The following TRPM8 variants were observed in gnomAD, a reference collection of about 807,000 sequenced individuals.
TRPM8 encodes the protein transient receptor potential cation channel subfamily M member 8.
A neutral mutation model predicts 133.7 loss-of-function variants in TRPM8; 110 were observed. The observed-to-expected ratio is 0.82, with a 90% CI of 0.70 to 0.96. TRPM8 has a LOEUF of 0.96. TRPM8 is among the 40% of genes least tolerant of loss of function. The pLI is 0.00. For synonymous variants in TRPM8, 535 were observed against 532.3 expected, an observed-to-expected ratio of 1.01 and a Z score of -0.07; for missense variants, 1,291 against 1,379.5, an observed-to-expected ratio of 0.94 and a Z score of 1.02.
At chr2:233,975,618 C>T (rs1306174673) in intron 17 of TRPM8, among the ~76,000 whole-genome samples, 5 of 152,204 alleles carry the variant, frequency 3.3e-5, no homozygotes, top group Admixed American at 1.3e-4. Flanking sequence ...CGGTGGCTCC[C>T]GCCTGCAATC....
At chr2:233,947,338 GGGA>G (rs1691068791) in intron 8 of TRPM8, 183 bp downstream of exon 8, 2 of 1,541,238 alleles carry the variant, frequency 1.3e-6, no homozygotes, top group Admixed American at 2.0e-5. Flanking sequence ...AAGAAGATTT[GGGA>G]GGAGAATTTC....
At chr2:233,928,406 A>C (rs1345651059) in intron 2 of TRPM8, among the ~76,000 whole-genome samples, 3 of 148,936 alleles carry the variant, frequency 2.0e-5, no homozygotes, top group African/African-American at 7.8e-5. Context: ...AGAGCATCTC[A>C]GTTCTGGGGG....
At chr2:233,933,644 A>G (rs1691724322) in intron 3 of TRPM8, 1 of 152,274 alleles carries the variant, frequency 6.6e-6, no homozygotes, top group Non-Finnish European at 1.5e-5. Flanking sequence ...TCTCTTGGTC[A>G]AGGTCACCTG....
chr2:233,929,889 T>G (rs1414251786), intron 2 of TRPM8: 1 of 152,196 alleles, frequency 6.6e-6, no homozygotes, highest in Non-Finnish European at 1.5e-5. Context: ...CTCACTGTGG[T>G]TTTCCTTTGC....
rs370113980 is a variant in TRPM8 at position 233,990,540 on chromosome 2, G to A, written c.2939+4675G>A. Reference sequence around the variant, plus strand: ...GGCTGTACATGCTAGTACATCCATCGCATGTCTTATAAGCATTTTAAATCT... The same window carrying A: ...GGCTGTACATGCTAGTACATCCATCACATGTCTTATAAGCATTTTAAATCT... On this transcript the variant is annotated intron_variant, in intron 21 of 25. Transcript: ENST00000324695. Among the ~76,000 whole-genome samples the A allele has an allele frequency of 3.9e-4, 60 of 152,120 alleles. No individual in the cohort carries two copies. In the East Asian group the frequency reaches 5.4e-3, roughly 14 times the overall value.
chr2:233,992,275 T>C (rs1344516647), intron 21 of TRPM8, among the ~76,000 whole-genome samples: 1 of 152,158 alleles, frequency 6.6e-6, no homozygotes, highest in Non-Finnish European at 1.5e-5. Flanking sequence ...ATTAAGCTCC[T>C]TTCTCTTTCT....
intron 22 of TRPM8, among the ~76,000 whole-genome samples, chr2:234,000,854 T>G (rs530551714): frequency 1.3e-5 from 2 of 152,268 alleles, no homozygotes; most frequent in East Asian, 1.9e-4. Flanking sequence ...GGTTTTTGTA[T>G]TTTTAGTAGG....
chr2:233,925,447 G>A (rs1691496025), intron 1 of TRPM8, among the ~76,000 whole-genome samples: 1 of 152,222 alleles, frequency 6.6e-6, no homozygotes, highest in Non-Finnish European at 1.5e-5. Flanking sequence ...GAAATGATGA[G>A]TGAGCTGAGC....
intron 8 of TRPM8, among the ~76,000 whole-genome samples, chr2:233,948,421 G>T (rs971812027): frequency 2.6e-5 from 4 of 152,132 alleles, no homozygotes; most frequent in Non-Finnish European, 4.4e-5. Context: ...TACTGCTCAA[G>T]GTCATCACCA....
At chr2:233,974,802 A>G (rs1191720785) in intron 17 of TRPM8, among the ~76,000 whole-genome samples, 3 of 152,194 alleles carry the variant, frequency 2.0e-5, no homozygotes, top group African/African-American at 4.8e-5. Flanking sequence ...AAAGGTAGCC[A>G]TTGAGTAGAA....
chr2:233,965,002 A>ACCCAGG (rs931841313), intron 14 of TRPM8, among the ~76,000 whole-genome samples: 3 of 144,274 alleles, frequency 2.1e-5, no homozygotes, highest in Non-Finnish European at 3.1e-5. Context: ...CCAGGGCCAT[A>ACCCAGG]CCCAGGCCCA....
At chr2:234,007,504 T>C (rs1574789688) in intron 23 of TRPM8, among the ~76,000 whole-genome samples, 1 of 152,348 alleles carries the variant, frequency 6.6e-6, no homozygotes, top group East Asian at 1.9e-4. Context: ...TAGAAATAGA[T>C]AAGTCATAGC....
intron 5 of TRPM8, among the ~76,000 whole-genome samples, chr2:233,939,521 T>G (rs1690851289): frequency 6.6e-6 from 1 of 152,232 alleles, no homozygotes; most frequent in African/African-American, 2.4e-5. Flanking sequence ...TCGCTTGTTC[T>G]GTAATTGTGA....
chr2:234,003,482 G>C (rs1692619511), intron 22 of TRPM8, among the ~76,000 whole-genome samples: 1 of 152,138 alleles, frequency 6.6e-6, no homozygotes, highest in South Asian at 2.1e-4. Context: ...TTCAGATCTG[G>C]AATTTGACTC....
At chr2:233,958,688 G>T (rs1256257154) in intron 11 of TRPM8, among the ~76,000 whole-genome samples, 1 of 152,200 alleles carries the variant, frequency 6.6e-6, no homozygotes, top group Non-Finnish European at 1.5e-5. Context: ...CATCTTTCCA[G>T]AGGTAGCCCC....
chr2:233,985,728 T>A lies in TRPM8; in HGVS notation c.2802T>A (p.Asn934Lys). 6.2e-7 allele frequency: 1 copy of A among 1,614,184 alleles called. No homozygotes were observed. The highest frequency in any genetic ancestry group is 8.5e-7 in the Non-Finnish European group (1 of 1,180,024). Residue 934 changes from asparagine to lysine, a missense_variant, in exon 21 of 26, where the codon AAT (asparagine) becomes AAA (lysine). By Grantham distance (94) the Asn-to-Lys change is moderately conservative (BLOSUM62 0). This residue lies in a region of TRPM8 where 328 missense variants were observed against 410.6 expected (regional missense o/e 0.80). Coordinates refer to ENST00000324695, the MANE Select transcript of TRPM8 (RefSeq NM_024080.5). ...TTGCCCACTGCACCTTCACTGGGAA[T>A]GAGTCCAAGCCACTGTGTGTGGAGC... ...YDFAHCTFTGNESKPLCVELD... is the reference protein window; with the variant it reads ...YDFAHCTFTGKESKPLCVELD...
rs1162140983 is a variant in TRPM8, at chr2:234,014,673, T to C, written c.*42+19T>C. The C allele has an allele frequency of 3.3e-6, 3 of 909,424 alleles. No homozygotes were observed. The allele number at this position is 909,424 out of a possible 1,614,324, so 56.3% of individuals were successfully genotyped here. A position where few individuals can be genotyped will look rare whatever the true frequency, so the allele number is the denominator to read the frequency against. On this transcript the variant is annotated intron_variant, in intron 25 of 25. Coordinates refer to ENST00000324695, the MANE Select transcript of TRPM8 (RefSeq NM_024080.5). ...TAGCAAGGTGAGTCATTCTAATAGCTTTTTACTTTGCTCTGAAGATTTGCA... is the reference window on the plus strand; with the variant it reads ...TAGCAAGGTGAGTCATTCTAATAGCCTTTTACTTTGCTCTGAAGATTTGCA...
intron 10 of TRPM8, 43 bp downstream of exon 10, chr2:233,954,062 C>A: frequency 7.3e-7 from 1 of 1,373,036 alleles, no homozygotes; most frequent in African/African-American, 1.5e-5. Context: ...CTTTGTGTTG[C>A]CTTCTGTGGC....
At chr2:233,970,473 G>A (rs760436962) in intron 17 of TRPM8, 47 bp downstream of exon 17, 2 of 1,556,060 alleles carry the variant, frequency 1.3e-6, no homozygotes, top group South Asian at 1.1e-5. Flanking sequence ...CTCGGTGGGA[G>A]GCATCTTTCT....
Sources: gnomAD v4.1 joint callset for allele counts (sites outside exome capture counted in the v4.1 genomes callset) on GRCh38, gnomAD v4.1.1 for gene constraint, gnomAD v4.1.1 regional missense constraint, MANE v1.5 for transcripts, NCBI Gene and HGNC (gene_info 2026-07-23, HGNC 2026-07-21) for gene names.